RBM19: variants seen among roughly 807,000 people sequenced by gnomAD.
RBM19 encodes RNA binding motif protein 19.
A neutral mutation model predicts 116.8 loss-of-function variants in RBM19; 94 were observed. The ratio of observed to expected loss-of-function variants is 0.80; its 90% CI spans 0.68 to 0.95. RBM19 has a LOEUF of 0.95. RBM19 is among the 40% of genes least tolerant of loss of function. The pLI, the probability that RBM19 is intolerant of heterozygous loss-of-function variation, is 0.00. For synonymous variants in RBM19, 475 were observed against 494.1 expected (o/e 0.96, Z 0.51); for missense variants, 1,161 against 1,220.7 (o/e 0.95, Z 0.73).
chr12:113,861,474 CTGTG>C lies in RBM19; in HGVS notation c.2559-2582_2559-2579del, dbSNP rs57704604. On this transcript the variant is annotated intron_variant, in intron 21 of 23. Coordinates refer to ENST00000261741, the MANE Select transcript of RBM19 (RefSeq NM_016196.4). ...GCCCAGATTTCTGGTAAGCCAGACT[CTGTG>C]TGTGTGTGTGTGTGTGTGTGTGTGT... 6.3e-3 allele frequency among the ~76,000 whole-genome samples: 791 copies of C among 126,494 alleles called. 5 individuals carry two copies. Among genetic ancestry groups the C allele is most frequent in the African/African-American group, 0.011 (358 of 32,412 alleles). 83.0% of individuals were successfully genotyped at this position (126,494 alleles called of 152,430 possible). A position where few individuals can be genotyped will look rare whatever the true frequency, so the allele number is the denominator to read the frequency against.
intron 23 of RBM19, among the ~76,000 whole-genome samples, chr12:113,829,457 G>T (rs926814077): frequency 6.6e-6 from 1 of 152,224 alleles, no homozygotes; most frequent in Non-Finnish European, 1.5e-5. Flanking sequence ...AACGGGGACG[G>T]TGCCTGCTCT....
intron 23 of RBM19, among the ~76,000 whole-genome samples, chr12:113,826,822 G>A (rs1036414537): frequency 9.2e-5 from 14 of 152,224 alleles, no homozygotes; most frequent in African/African-American, 3.4e-4. Context: ...CTTGGTCTTT[G>A]GGGCAGTGAG....
intron 13 of RBM19, among the ~76,000 whole-genome samples, chr12:113,944,850 T>C (rs1160169493): frequency 7.4e-6 from 1 of 134,762 alleles, no homozygotes; most frequent in Non-Finnish European, 1.6e-5. Flanking sequence ...TGTGTATATA[T>C]ATGTATATAT....
intron 21 of RBM19, among the ~76,000 whole-genome samples, chr12:113,912,559 T>C (rs1882500003): frequency 6.6e-6 from 1 of 152,160 alleles, no homozygotes; most frequent in Non-Finnish European, 1.5e-5. Context: ...CTAGTTTCCA[T>C]CTCCAGTTTC....
chr12:113,906,430 A>G (rs1309318860), intron 21 of RBM19, among the ~76,000 whole-genome samples: 1 of 152,186 alleles, frequency 6.6e-6, no homozygotes, highest in African/African-American at 2.4e-5. Flanking sequence ...TGTTTTTCGA[A>G]GTTAAGAGAG....
At chr12:113,830,811 G>T (rs1875348559) in intron 23 of RBM19, among the ~76,000 whole-genome samples, 1 of 152,206 alleles carries the variant, frequency 6.6e-6, no homozygotes, top group South Asian at 2.1e-4. Context: ...GTCCACATTA[G>T]TTACTGATCT....
In RBM19 at chr12:113,962,247, G is replaced by C; in HGVS notation, c.204C>G (p.Asp68Glu). The C allele has an allele frequency of 6.2e-7, 1 of 1,614,262 alleles. No homozygotes were observed. Among genetic ancestry groups the C allele is most frequent in the African/African-American group, 1.3e-5 (1 of 75,076 alleles). ...AQKHFNKSFI[D>E]TSRITVEFCK... ...GCCCACTCACTGTGATCCGGGATGT[G>C]TCGATGAAGCTCTTGTTGAAATGCT... Residue 68 changes from aspartate to glutamate, a missense_variant, in exon 2 of 24, where the codon GAC (aspartate) becomes GAG (glutamate). Physicochemically the swap from Asp to Glu is conservative, Grantham distance 45. Transcript: ENST00000261741.
At chr12:113,906,264 G>C (rs1453066065) in intron 21 of RBM19, among the ~76,000 whole-genome samples, 1 of 152,158 alleles carries the variant, frequency 6.6e-6, no homozygotes, top group East Asian at 1.9e-4. Context: ...TCACACAATG[G>C]AATTCTAGAT....
rs900919535 is a variant in RBM19, at chr12:113,955,330, G to C, written c.841-119C>G. 4 of 941,504 alleles carry C rather than the reference G, an allele frequency of 4.2e-6. No homozygotes were observed. In the East Asian group the frequency reaches 1.0e-4, roughly 24 times the overall value. 58.3% of individuals were successfully genotyped at this position (941,504 alleles called of 1,614,324 possible). On this transcript the variant is annotated intron_variant, in intron 6 of 23. Transcript: ENST00000261741. ...GTGCCTGCCGCCAGGGGGAGCTGGG[G>C]AATGCTGGGAAGAATCAATGTCCAC...
intron 1 of RBM19, among the ~76,000 whole-genome samples, chr12:113,965,361 G>A (rs1046229062): frequency 6.7e-5 from 10 of 148,966 alleles, no homozygotes; most frequent in African/African-American, 2.2e-4. Flanking sequence ...AAAGAGATAA[G>A]ACAAACAATG....
At chr12:113,920,080 T>C (rs1278886843) in intron 19 of RBM19, among the ~76,000 whole-genome samples, 1 of 152,090 alleles carries the variant, frequency 6.6e-6, no homozygotes, top group Non-Finnish European at 1.5e-5. Context: ...ATTCCCACCT[T>C]ATGGCCCCTG....
At chr12:113,853,549 C>A (rs1431381636) in intron 22 of RBM19, among the ~76,000 whole-genome samples, 2 of 152,214 alleles carry the variant, frequency 1.3e-5, no homozygotes, top group African/African-American at 4.8e-5. Flanking sequence ...CAAGTCTATT[C>A]TTTGTGGTCT....
At chr12:113,896,743 G>C (rs1488387943) in intron 21 of RBM19, among the ~76,000 whole-genome samples, 2 of 152,108 alleles carry the variant, frequency 1.3e-5, no homozygotes, top group African/African-American at 2.4e-5. Context: ...AATGTACGAA[G>C]AGTCGAAACA....
chr12:113,880,305 G>T lies in RBM19; in HGVS notation c.2559-21409C>A, dbSNP rs149168947. Reference sequence around the variant, plus strand: ...CCCCCTGAAGTGACAGATTCTGTTTGCTGTGGTTGGTCTCTGGGCATGCTG... The same window carrying T: ...CCCCCTGAAGTGACAGATTCTGTTTTCTGTGGTTGGTCTCTGGGCATGCTG... On this transcript the variant is annotated intron_variant, in intron 21 of 23. Coordinates refer to ENST00000261741, the MANE Select transcript of RBM19 (RefSeq NM_016196.4). Among the ~76,000 whole-genome samples the T allele has an allele frequency of 1.1e-3, 162 of 151,584 alleles. 2 individuals carry two copies. The highest frequency in any genetic ancestry group is 3.6e-3 in the African/African-American group (148 of 41,396).
rs188763843 is a variant in RBM19, at chr12:113,945,885, G to A, written c.1569C>T (p.Ala523=). The A allele has an allele frequency of 1.6e-5, 25 of 1,593,734 alleles. No homozygotes were observed. In the East Asian group the frequency reaches 2.0e-4, roughly 13 times the overall value. ...NWNTLFMGPN[A]VADAIAQKYN... ...ACTTCTGTGCGATGGCATCGGCCAC[G>A]GCATTCGGCCCCATGAATAGTGTGT... Residue 523 remains alanine, a synonymous_variant, in exon 13 of 24, where the codon GCC becomes GCT. Transcript: ENST00000261741.
chr12:113,824,396 G>A (rs1010858260), intron 23 of RBM19, among the ~76,000 whole-genome samples: 2 of 152,204 alleles, frequency 1.3e-5, no homozygotes, highest in African/African-American at 4.8e-5. Context: ...GGCCCTCCAG[G>A]AAAAGAGCGA....
At chr12:113,860,407 G>T (rs1399342463) in intron 21 of RBM19, among the ~76,000 whole-genome samples, 1 of 152,252 alleles carries the variant, frequency 6.6e-6, no homozygotes, top group Non-Finnish European at 1.5e-5. Context: ...GCTTTGAACA[G>T]GGAGGGAAGG....
intron 10 of RBM19, among the ~76,000 whole-genome samples, chr12:113,948,205 G>A (rs559940155): frequency 2.8e-4 from 42 of 152,248 alleles, no homozygotes; most frequent in African/African-American, 9.4e-4. Flanking sequence ...GAGACACTGC[G>A]GGGATCTCAA....
chr12:113,832,900 G>C (rs551964974), intron 23 of RBM19, among the ~76,000 whole-genome samples: 1 of 152,128 alleles, frequency 6.6e-6, no homozygotes, highest in African/African-American at 2.4e-5. Flanking sequence ...TGGGGATAAC[G>C]GGCTCTCTTG....
Sources: allele counts gnomAD v4.1 joint callset (sites outside exome capture counted in the v4.1 genomes callset), GRCh38; gene constraint gnomAD v4.1.1; transcripts MANE v1.5; gene names NCBI Gene and HGNC (gene_info 2026-07-23, HGNC 2026-07-21).